AMD1: variants seen among roughly 807,000 people sequenced by gnomAD.
The protein encoded by AMD1 is S-adenosylmethionine decarboxylase proenzyme.
AMD1 carries 11 observed loss-of-function variants against 40.2 expected under a neutral mutation model. The observed-to-expected ratio is 0.27, with a 90% CI of 0.17 to 0.45. The LOEUF (loss-of-function observed/expected upper bound fraction) is 0.45, where lower values mean the gene tolerates loss of function less well. Among genes scored for constraint, AMD1 ranks in the 20% least tolerant of loss-of-function variants. The probability of loss-of-function intolerance (pLI) is 1.00; values close to 1 mark genes in which losing one functional copy is unlikely to be tolerated. For synonymous variants in AMD1, 121 were observed against 130.8 expected (o/e 0.93, Z 0.51); for missense variants, 257 against 410.2 (o/e 0.63, Z 3.23).
the AMD1 span, among the ~76,000 whole-genome samples, chr6:110,845,192 C>T: frequency 6.6e-6 from 1 of 152,060 alleles, no homozygotes; most frequent in African/African-American, 2.4e-5. Context: ...GCGTGAGCCA[C>T]CACGCCCGGC....
At chr6:110,835,961 C>T in the AMD1 span, among the ~76,000 whole-genome samples, 2 of 139,740 alleles carry the variant, frequency 1.4e-5, no homozygotes, top group African/African-American at 5.4e-5. Flanking sequence ...TGCAGGGAGC[C>T]GTGATTGCGC....
chr6:110,836,012 CA>C, the AMD1 span, among the ~76,000 whole-genome samples: 8,117 of 60,674 alleles, frequency 0.13, 148 homozygotes, highest in East Asian at 0.31. Flanking sequence ...GACCTTGACT[CA>C]AAAAAAAAAA....
chr6:110,834,265 G>A, the AMD1 span, among the ~76,000 whole-genome samples: 54 of 152,082 alleles, frequency 3.6e-4, no homozygotes, highest in African/African-American at 5.3e-4. Flanking sequence ...CTTGTGCCCC[G>A]GAGTCCCAGG....
chr6:110,833,823 G>C, the AMD1 span, among the ~76,000 whole-genome samples: 1 of 152,012 alleles, frequency 6.6e-6, no homozygotes, highest in Non-Finnish European at 1.5e-5. Flanking sequence ...AGACCAGCCT[G>C]GGCAACATAG....
At chr6:110,876,205 A>T (rs187429984) in intron 1 of AMD1, among the ~76,000 whole-genome samples, 1 of 152,394 alleles carries the variant, frequency 6.6e-6, no homozygotes, top group Admixed American at 6.5e-5. Context: ...ATAAAAGCCC[A>T]GAGATCCCGT....
the AMD1 span, among the ~76,000 whole-genome samples, chr6:110,863,523 C>T: frequency 2.0e-5 from 3 of 151,690 alleles, no homozygotes; most frequent in Non-Finnish European, 2.9e-5. Context: ...GCGTCTGCCA[C>T]CACACCTGGC....
the AMD1 span, among the ~76,000 whole-genome samples, chr6:110,823,168 T>C: frequency 3.9e-5 from 6 of 152,036 alleles, no homozygotes; most frequent in African/African-American, 1.4e-4. Flanking sequence ...TTTTCTAAAA[T>C]CCAACATCTC....
the AMD1 span, among the ~76,000 whole-genome samples, chr6:110,860,858 CACACACACACACAGAG>C: frequency 6.6e-6 from 1 of 150,598 alleles, no homozygotes; most frequent in African/African-American, 2.5e-5. Context: ...CACACACACA[CACACACACACACAGAG>C]AGAGAGAACA....
chr6:110,815,698 T>A, the AMD1 span: 1 of 152,472 alleles, frequency 6.6e-6, no homozygotes, highest in Non-Finnish European at 1.5e-5. Context: ...CAGTGTGCTT[T>A]CTGCGGTTCT....
At chr6:110,826,680 T>C in the AMD1 span, among the ~76,000 whole-genome samples, 22 of 145,876 alleles carry the variant, frequency 1.5e-4, no homozygotes, top group Non-Finnish European at 2.5e-4. Flanking sequence ...TTCCCTTTTC[T>C]TTTCTTTCTT....
chr6:110,872,130 C>G (rs1784929279), upstream of AMD1, among the ~76,000 whole-genome samples: 3 of 152,164 alleles, frequency 2.0e-5, no homozygotes, highest in Admixed American at 6.5e-5. Context: ...AAAAGTGGGC[C>G]TTGAGAATTG....
the AMD1 span, among the ~76,000 whole-genome samples, chr6:110,825,812 A>G: frequency 6.6e-6 from 1 of 152,158 alleles, no homozygotes; most frequent in African/African-American, 2.4e-5. Flanking sequence ...ATTCTAGTCT[A>G]CTTAGTACAG....
chr6:110,851,032 T>A, the AMD1 span, among the ~76,000 whole-genome samples: 1 of 151,330 alleles, frequency 6.6e-6, no homozygotes, highest in Non-Finnish European at 1.5e-5. Context: ...GGTGCAATCT[T>A]GGTTCACTGC....
Position 110,893,077 on chromosome 6 carries a change from T to C in AMD1, c.864+12T>C, listed in dbSNP as rs373055684. The C allele has an allele frequency of 6.3e-7, 1 of 1,581,128 alleles. No individual in the cohort carries two copies. Among genetic ancestry groups the C allele is most frequent in the Admixed American group, 1.9e-5 (1 of 53,620 alleles). ...TGTTTGTTAATCAGGTAATTTTATATTTTATTATTAATCAGGTTATTTGAT... is the reference window on the plus strand; with the variant it reads ...TGTTTGTTAATCAGGTAATTTTATACTTTATTATTAATCAGGTTATTTGAT... On this transcript the variant is annotated intron_variant, in intron 8 of 8. Transcript: ENST00000368885.
chr6:110,886,802 TC>T (rs1188334467), intron 1 of AMD1, among the ~76,000 whole-genome samples: 4 of 152,210 alleles, frequency 2.6e-5, no homozygotes, highest in Non-Finnish European at 4.4e-5. Context: ...GTTAAGCTGT[TC>T]CATGGAATTA....
upstream of AMD1, among the ~76,000 whole-genome samples, chr6:110,870,648 AAAC>A (rs1313881799): frequency 6.6e-6 from 1 of 152,114 alleles, no homozygotes; most frequent in Non-Finnish European, 1.5e-5. Flanking sequence ...AACAAAACAA[AAAC>A]AACAAAAAAA....
At chr6:110,845,562 T>C in the AMD1 span, among the ~76,000 whole-genome samples, 6 of 152,306 alleles carry the variant, frequency 3.9e-5, no homozygotes, top group Middle Eastern at 0.014. Context: ...GGCCAGGCCT[T>C]AGTCTCAAAA....
chr6:110,892,318 T>A lies in AMD1; in HGVS notation c.490T>A (p.Phe164Ile). 6.2e-7 allele frequency: 1 copy of A among 1,613,836 alleles called. No individual in the cohort carries two copies. Residue 164 changes from phenylalanine (F) to isoleucine (I), a missense_variant, in exon 6 of 9, where the codon TTC becomes ATC. By Grantham distance (21) the Phe-to-Ile change is conservative. Transcript: ENST00000368885. ...ATTTAGGTACTTATATACTCTGGATTTCCCAGAGAGTCGGGTAATCAGTCA... is the reference window on the plus strand; with the variant it reads ...ATTTAGGTACTTATATACTCTGGATATCCCAGAGAGTCGGGTAATCAGTCA... ...SDCWYLYTLDFPESRVISQPD... is the reference protein window; with the variant it reads ...SDCWYLYTLDIPESRVISQPD...
At chr6:110,865,869 T>C in the AMD1 span, among the ~76,000 whole-genome samples, 1 of 152,054 alleles carries the variant, frequency 6.6e-6, no homozygotes, top group Admixed American at 6.6e-5. Context: ...TTCAAACAAT[T>C]CCTCTGCCTC....
Sources: allele counts gnomAD v4.1 joint callset (sites outside exome capture counted in the v4.1 genomes callset), GRCh38; gene constraint gnomAD v4.1.1; transcripts MANE v1.5; gene names NCBI Gene and HGNC (gene_info 2026-07-23, HGNC 2026-07-21).